Variants in PLD5 observed in about 807,000 individuals in gnomAD.
PLD5 encodes phospholipase D family member 5.
In PLD5, 36 loss-of-function variants were observed where a neutral mutation model predicts 61.1. That is an observed-to-expected ratio of 0.59 (90% confidence interval 0.45 to 0.78). The LOEUF (loss-of-function observed/expected upper bound fraction) is 0.78. Among genes scored for constraint, PLD5 ranks in the 30% least tolerant of loss-of-function variants. The pLI, the probability that PLD5 is intolerant of heterozygous loss-of-function variation, is 0.00. For synonymous variants in PLD5, 243 were observed against 242.8 expected (o/e 1.00, Z -0.01); for missense variants, 515 against 644.4 (o/e 0.80, Z 2.17).
At chr1:242,382,761 A>G (rs1260365908) in intron 1 of PLD5, among the ~76,000 whole-genome samples, 2 of 152,192 alleles carry the variant, frequency 1.3e-5, no homozygotes, top group Non-Finnish European at 2.9e-5. Context: ...CATTTATTAC[A>G]TTAGTATTTT....
chr1:242,330,300 T>G (rs537110891), intron 2 of PLD5, among the ~76,000 whole-genome samples: 1 of 152,354 alleles, frequency 6.6e-6, no homozygotes, highest in South Asian at 2.1e-4. Context: ...TGTGTGACCT[T>G]CACATGGTGG....
chr1:242,389,345 T>C (rs1662785746), intron 1 of PLD5, among the ~76,000 whole-genome samples: 1 of 152,154 alleles, frequency 6.6e-6, no homozygotes, highest in Non-Finnish European at 1.5e-5. Context: ...ATACGCATCT[T>C]AGAATTACCC....
chr1:242,526,375 C>T (rs146974126), upstream of PLD5, among the ~76,000 whole-genome samples: 90 of 152,234 alleles, frequency 5.9e-4, no homozygotes, highest in African/African-American at 2.1e-3. Flanking sequence ...AAGACCCTGT[C>T]GGAGGTGAGG....
intron 1 of PLD5, among the ~76,000 whole-genome samples, chr1:242,405,290 A>G (rs1317280300): frequency 1.3e-5 from 2 of 152,000 alleles, no homozygotes; most frequent in African/African-American, 4.8e-5. Flanking sequence ...AGCTAGGACG[A>G]TTTTCCCACC....
At chr1:242,297,664 G>A (rs12131700) in intron 2 of PLD5, among the ~76,000 whole-genome samples, 8 of 139,048 alleles carry the variant, frequency 5.8e-5, no homozygotes, top group African/African-American at 1.7e-4. Flanking sequence ...ATGGAGTCTC[G>A]CTCTGTCGCC....
At chr1:242,364,971 A>T (rs950664231) in intron 1 of PLD5, among the ~76,000 whole-genome samples, 2 of 11,204 alleles carry the variant, frequency 1.8e-4, no homozygotes, top group African/African-American at 3.1e-4. Flanking sequence ...CAATACAGAT[A>T]AGGAAAAAAA....
intron 1 of PLD5, among the ~76,000 whole-genome samples, chr1:242,450,134 T>C (rs2102922543): frequency 6.6e-6 from 1 of 152,306 alleles, no homozygotes; most frequent in South Asian, 2.1e-4. Context: ...TCCTGCACTT[T>C]GGCCACGTTT....
At chr1:242,304,379 C>T (rs948860558) in intron 2 of PLD5, among the ~76,000 whole-genome samples, 2 of 152,182 alleles carry the variant, frequency 1.3e-5, no homozygotes, top group Non-Finnish European at 2.9e-5. Context: ...CATCATCTGG[C>T]CAAATATGTG....
At chr1:242,451,801 C>A (rs1477531791) in intron 1 of PLD5, among the ~76,000 whole-genome samples, 1 of 151,912 alleles carries the variant, frequency 6.6e-6, no homozygotes, top group Admixed American at 6.6e-5. Context: ...AAGGTAAAAC[C>A]GAGACTACTC....
At chr1:242,312,171 A>G (rs1030052723) in intron 2 of PLD5, among the ~76,000 whole-genome samples, 7 of 151,696 alleles carry the variant, frequency 4.6e-5, no homozygotes, top group African/African-American at 1.7e-4. Flanking sequence ...TTTGTCTAGT[A>G]AGTCTGATGG....
chr1:242,177,711 G>A (rs1667254425), intron 5 of PLD5: 1 of 152,122 alleles, frequency 6.6e-6, no homozygotes, highest in Non-Finnish European at 1.5e-5. Context: ...CTATAAATAA[G>A]TATTCCTCTT....
chr1:242,139,896 G>A (rs1664030180), intron 5 of PLD5, among the ~76,000 whole-genome samples: 1 of 152,184 alleles, frequency 6.6e-6, no homozygotes, highest in Admixed American at 6.5e-5. Flanking sequence ...AGAGGCCATT[G>A]GCAGGGAAGA....
chr1:242,137,746 C>G (rs1663855652), intron 5 of PLD5, among the ~76,000 whole-genome samples: 3 of 152,042 alleles, frequency 2.0e-5, no homozygotes, highest in African/African-American at 7.2e-5. Context: ...AAACATGCAT[C>G]AAAGCCACAG....
chr1:242,223,395 G>A (rs1670726640), intron 4 of PLD5, among the ~76,000 whole-genome samples: 1 of 152,188 alleles, frequency 6.6e-6, no homozygotes. Context: ...GACAGAAGGG[G>A]CACCAAAGAG....
At chr1:242,452,444 G>T (rs1183308168) in intron 1 of PLD5, among the ~76,000 whole-genome samples, 1 of 152,132 alleles carries the variant, frequency 6.6e-6, no homozygotes, top group Non-Finnish European at 1.5e-5. Flanking sequence ...AGAAAGTTAG[G>T]AAGTTCTGGA....
In PLD5 at chr1:242,211,167, G is replaced by A. The variant is rs541606083; in HGVS notation, c.735+8821C>T. On this transcript the variant is annotated intron_variant, in intron 5 of 9. Coordinates refer to ENST00000536534, the MANE Select transcript of PLD5 (RefSeq NM_001372062.1). ...TAGACAAAACAACCTTCTATTAGAA[G>A]AAGATGCCATCTAGGACTTTTGTGG... 6.2e-4 allele frequency among the ~76,000 whole-genome samples: 95 copies of A among 152,298 alleles called. 1 individual carries two copies. In the South Asian group the frequency reaches 0.019, roughly 30 times the overall value.
chr1:242,229,550 A>G (rs1671164659), intron 4 of PLD5, among the ~76,000 whole-genome samples: 1 of 152,194 alleles, frequency 6.6e-6, no homozygotes, highest in Non-Finnish European at 1.5e-5. Flanking sequence ...TTTGGGAAGA[A>G]TTGACATATG....
intron 1 of PLD5, among the ~76,000 whole-genome samples, chr1:242,473,079 G>A (rs1478616990): frequency 1.3e-5 from 2 of 152,180 alleles, no homozygotes; most frequent in Non-Finnish European, 2.9e-5. Context: ...TGAAATGTAA[G>A]TCTAAAATAG....
intron 5 of PLD5, among the ~76,000 whole-genome samples, chr1:242,212,108 AAGG>A (rs1386979403): frequency 6.6e-6 from 1 of 152,174 alleles, no homozygotes; most frequent in East Asian, 1.9e-4. Flanking sequence ...AGAGCCTAAA[AAGG>A]AGAAGGAGGA....
Sources: allele counts gnomAD v4.1 joint callset (sites outside exome capture counted in the v4.1 genomes callset), GRCh38; gene constraint gnomAD v4.1.1; transcripts MANE v1.5; gene names NCBI Gene and HGNC (gene_info 2026-07-23, HGNC 2026-07-21).